The following ARMC1 variants were observed in gnomAD, a reference collection of about 807,000 sequenced individuals.
ARMC1 encodes armadillo repeat containing 1.
Under a neutral mutation model 31.4 loss-of-function variants are expected in ARMC1, and 16 were observed. The observed-to-expected ratio is 0.51, with a 90% CI of 0.34 to 0.77. The LOEUF (loss-of-function observed/expected upper bound fraction) is 0.77. ARMC1 is among the 30% of genes least tolerant of loss of function. ARMC1 has a pLI of 0.01. For missense variants in ARMC1, 259 were observed against 347.5 expected, an observed-to-expected ratio of 0.75 and a Z score of 2.02; for synonymous variants, 114 against 118.9, an observed-to-expected ratio of 0.96 and a Z score of 0.27.
At chr8:65,633,254 TATTC>T in intron 1 of ARMC1, among the ~76,000 whole-genome samples, 1 of 152,356 alleles carries the variant, frequency 6.6e-6, no homozygotes, top group South Asian at 2.1e-4. Context: ...CCTAAATCCT[TATTC>T]AGTTAGGTGG....
intron 3 of ARMC1, among the ~76,000 whole-genome samples, chr8:65,617,823 T>C (rs533519051): frequency 3.6e-4 from 51 of 140,036 alleles, no homozygotes; most frequent in Admixed American, 1.7e-3. Context: ...CCCCTGAATC[T>C]AAAATAAAAG....
At position 65,627,359 on chromosome 8, in the gene ARMC1, C is replaced by T. The variant is rs927221782; in HGVS notation, c.40G>A (p.Ala14Thr). 8 of 1,606,748 alleles carry T rather than the reference C, an allele frequency of 5.0e-6. No individual in the cohort carries two copies. Among genetic ancestry groups the T allele is most frequent in the African/African-American group, 2.7e-5 (2 of 74,644 alleles). The change falls in exon 2 of 7, where the codon GCT (alanine) becomes ACT (threonine). Residue 14 changes from alanine to threonine, a missense_variant. Ala to Thr is a moderately conservative substitution (Grantham distance 58, BLOSUM62 0). Coordinates refer to ENST00000276569, the MANE Select transcript of ARMC1 (RefSeq NM_018120.6). ...CGTAACTGGTTAACTACCGATAGAG[C>T]GTCAGGCTCTTCACTCATGGTGGAA... ...STSTMSEEPD[A>T]LSVVNQLRDL...
chr8:65,620,586 C>T (rs1362032063), intron 3 of ARMC1, among the ~76,000 whole-genome samples: 2 of 151,686 alleles, frequency 1.3e-5, no homozygotes, highest in Admixed American at 1.3e-4. Context: ...TGAGCCACCA[C>T]TCCCTGCCAT....
At chr8:65,615,616 A>C (rs1808233263) in intron 3 of ARMC1, among the ~76,000 whole-genome samples, 1 of 152,172 alleles carries the variant, frequency 6.6e-6, no homozygotes, top group African/African-American at 2.4e-5. Context: ...CTGAGGCAGG[A>C]GAATCACTTG....
At chr8:65,620,080 C>A (rs1808360499) in intron 3 of ARMC1, among the ~76,000 whole-genome samples, 1 of 150,588 alleles carries the variant, frequency 6.6e-6, no homozygotes, top group African/African-American at 2.4e-5. Flanking sequence ...AGAGGTTGCA[C>A]TGAGCTAACA....
chr8:65,606,792 T>C (rs1487803441), intron 4 of ARMC1, among the ~76,000 whole-genome samples: 1 of 152,220 alleles, frequency 6.6e-6, no homozygotes, highest in African/African-American at 2.4e-5. Flanking sequence ...TAGCCATCAC[T>C]AACATTACTA....
chr8:65,611,929 GC>G (rs1808151419), intron 4 of ARMC1, among the ~76,000 whole-genome samples: 1 of 151,632 alleles, frequency 6.6e-6, no homozygotes, highest in South Asian at 2.1e-4. Flanking sequence ...GCACCACCAT[GC>G]CCAGCTAATT....
chr8:65,618,147 C>T (rs28403011), intron 3 of ARMC1, among the ~76,000 whole-genome samples: 96,276 of 151,498 alleles, frequency 0.64, 30,769 homozygotes, highest in African/African-American at 0.69. Context: ...AACTCCTGAC[C>T]TCGTGATACA....
intron 2 of ARMC1, among the ~76,000 whole-genome samples, chr8:65,623,351 G>C (rs970866615): frequency 6.3e-5 from 9 of 142,528 alleles, no homozygotes; most frequent in African/African-American, 2.1e-4. Flanking sequence ...GCTCACGGCT[G>C]TAATCCCAGC....
At chr8:65,631,253 G>A (rs994992705) in intron 1 of ARMC1, among the ~76,000 whole-genome samples, 2 of 152,024 alleles carry the variant, frequency 1.3e-5, no homozygotes, top group African/African-American at 4.8e-5. Flanking sequence ...TTTTTGGGGG[G>A]GAACAGGGTC....
intron 4 of ARMC1, 131 bp from the exon 5 acceptor site, chr8:65,605,669 G>A: frequency 2.9e-6 from 2 of 678,164 alleles, no homozygotes; most frequent in Non-Finnish European, 5.2e-6. Context: ...TTATTTCAGG[G>A]CACAGAGTGG....
rs1277889816 is a variant in ARMC1, at chr8:65,604,157, A to G, written c.*237T>C. 1 of 395,678 alleles carries G rather than the reference A, an allele frequency of 2.5e-6. No homozygotes were observed. The highest frequency in any genetic ancestry group is 4.5e-6 in the Non-Finnish European group (1 of 220,156). 24.5% of individuals were successfully genotyped at this position (395,678 alleles called of 1,614,324 possible). On this transcript the variant is annotated 3_prime_UTR_variant, in exon 7 of 7. Coordinates refer to ENST00000276569, the MANE Select transcript of ARMC1 (RefSeq NM_018120.6). ...TGGTTTTTAAATATGAGGCAATTAA[A>G]TGAAAGAAAACAAACCAAAATACTT... is the stretch of plus-strand genomic sequence containing the variant.
intron 3 of ARMC1, among the ~76,000 whole-genome samples, chr8:65,620,784 G>T (rs1284008510): frequency 1.4e-5 from 1 of 73,472 alleles, no homozygotes; most frequent in African/African-American, 6.3e-5. Context: ...TCCTGTAAAA[G>T]AATTTAGTTC....
intron 1 of ARMC1, among the ~76,000 whole-genome samples, chr8:65,629,795 T>C (rs1808598541): frequency 1.5e-5 from 1 of 65,304 alleles, no homozygotes; most frequent in Admixed American, 1.6e-4. Context: ...CAAGACTCCG[T>C]CTCAAAAAAA....
chr8:65,617,948 C>G (rs372844104), intron 3 of ARMC1, among the ~76,000 whole-genome samples: 129 of 151,918 alleles, frequency 8.5e-4, no homozygotes, highest in African/African-American at 2.9e-3. Flanking sequence ...CAGAGTCTCA[C>G]TCTGTCACCC....
intron 1 of ARMC1, among the ~76,000 whole-genome samples, chr8:65,629,816 A>AC (rs1240915232): frequency 4.0e-5 from 6 of 149,822 alleles, no homozygotes; most frequent in East Asian, 2.0e-4. Flanking sequence ...AAAAAAAAAA[A>AC]AATCAAAACA....
chr8:65,621,488 G>C (rs1170638115), intron 3 of ARMC1, among the ~76,000 whole-genome samples: 1 of 152,106 alleles, frequency 6.6e-6, no homozygotes, highest in Non-Finnish European at 1.5e-5. Flanking sequence ...AGTTACAGAT[G>C]AGAGATCAGC....
rs777184122 is a variant in ARMC1 at position 65,605,403 on chromosome 8, A to C, written c.582+19T>G. The C allele has an allele frequency of 6.2e-7, 1 of 1,612,756 alleles. No individual in the cohort carries two copies. Among genetic ancestry groups the C allele is most frequent in the Admixed American group, 1.7e-5 (1 of 59,964 alleles). ...TTTACCTGTAATCTCAAGCATATTC[A>C]GTCTTTTAAAATACTTACCTCAGCT... On this transcript the variant is annotated intron_variant, in intron 5 of 6. Transcript: ENST00000276569.
At chr8:65,604,789 C>T (rs1013972464) in intron 6 of ARMC1, among the ~76,000 whole-genome samples, 2 of 152,058 alleles carry the variant, frequency 1.3e-5, no homozygotes, top group Non-Finnish European at 2.9e-5. Context: ...AATGAGCAAC[C>T]GCTCTCTGTG....
Sources: allele counts gnomAD v4.1 joint callset (sites outside exome capture counted in the v4.1 genomes callset), GRCh38; gene constraint gnomAD v4.1.1; transcripts MANE v1.5; gene names NCBI Gene and HGNC (gene_info 2026-07-23, HGNC 2026-07-21).